Variants in GPR158 observed in about 807,000 individuals in gnomAD.
GPR158 encodes metabotropic glycine receptor.
A neutral mutation model predicts 78.2 loss-of-function variants in GPR158; 30 were observed. That is an observed-to-expected ratio of 0.38 (90% CI 0.29 to 0.52). The LOEUF (loss-of-function observed/expected upper bound fraction) is 0.52. Ranked by LOEUF, GPR158 falls within the 20% of genes least tolerant of loss-of-function variation. The pLI, the probability that GPR158 is intolerant of heterozygous loss-of-function variation, is 0.83. For missense variants in GPR158, 1,463 were observed against 1,523.5 expected, an observed-to-expected ratio of 0.96 and a Z score of 0.66; for synonymous variants, 581 against 591.1, an observed-to-expected ratio of 0.98 and a Z score of 0.25.
chr10:25,348,396 GACACACAC>G (rs34088676), intron 2 of GPR158, among the ~76,000 whole-genome samples: 2,757 of 141,774 alleles, frequency 0.019, 74 homozygotes, highest in African/African-American at 0.056. Context: ...TAGGAAGAAA[GACACACAC>G]ACACACACAC....
intron 2 of GPR158, among the ~76,000 whole-genome samples, chr10:25,311,952 G>A (rs1854771289): frequency 6.6e-6 from 1 of 151,858 alleles, no homozygotes; most frequent in African/African-American, 2.4e-5. Context: ...TTTGACATCT[G>A]GCCTAATAGA....
chr10:25,376,857 A>G (rs926687355), intron 2 of GPR158, among the ~76,000 whole-genome samples: 1 of 151,710 alleles, frequency 6.6e-6, no homozygotes, highest in South Asian at 2.1e-4. Context: ...GGAGTCAGCT[A>G]TATATTTTTA....
intron 2 of GPR158, among the ~76,000 whole-genome samples, chr10:25,280,990 C>T (rs1854261466): frequency 6.6e-6 from 1 of 151,522 alleles, no homozygotes; most frequent in African/African-American, 2.4e-5. Flanking sequence ...CAAAAATTAG[C>T]CGGGCATGGT....
At chr10:25,215,821 A>G (rs1853204585) in intron 1 of GPR158, among the ~76,000 whole-genome samples, 1 of 151,928 alleles carries the variant, frequency 6.6e-6, no homozygotes, top group African/African-American at 2.4e-5. Flanking sequence ...GGTGAGAGAG[A>G]CTCTGTCTCA....
At chr10:25,449,982 C>A (rs1835191817) in intron 4 of GPR158, among the ~76,000 whole-genome samples, 1 of 141,200 alleles carries the variant, frequency 7.1e-6, no homozygotes, top group African/African-American at 2.7e-5. Context: ...AGAAGCAAAA[C>A]AAAATTTAAT....
chr10:25,351,049 G>A (rs991806387), intron 2 of GPR158, among the ~76,000 whole-genome samples: 2 of 151,914 alleles, frequency 1.3e-5, no homozygotes, highest in African/African-American at 2.4e-5. Context: ...TAGGTGAAAT[G>A]GAGATTCCTT....
At chr10:25,185,334 A>G (rs989729096) in intron 1 of GPR158, among the ~76,000 whole-genome samples, 3 of 152,244 alleles carry the variant, frequency 2.0e-5, no homozygotes, top group African/African-American at 7.2e-5. Flanking sequence ...CATTGTATAT[A>G]TAGAACCTGA....
chr10:25,572,777 T>G lies in GPR158; in HGVS notation c.1643T>G (p.Val548Gly). 3 of 1,613,692 alleles carry G rather than the reference T, an allele frequency of 1.9e-6. No individual in the cohort carries two copies. The highest frequency in any genetic ancestry group is 2.5e-6 in the Non-Finnish European group (3 of 1,179,602). The change falls in exon 7 of 11, where the codon GTG becomes GGG. Residue 548 changes from valine (V) to glycine (G), a missense_variant. Coordinates refer to ENST00000376351, the MANE Select transcript of GPR158 (RefSeq NM_020752.3). ...TTTCTCATTGGCTGGACTTCATCTG[T>G]GTGCCAGAATTTGGAGAAACAGATT... ...FWFLIGWTSS[V>G]CQNLEKQISL...
chr10:25,230,084 G>A (rs1025449294), intron 2 of GPR158, among the ~76,000 whole-genome samples: 3 of 152,146 alleles, frequency 2.0e-5, no homozygotes, highest in Admixed American at 2.0e-4. Context: ...AAGACACATA[G>A]TTAAGAATAA....
At chr10:25,368,843 C>T (rs967842541) in intron 2 of GPR158, among the ~76,000 whole-genome samples, 1 of 144,226 alleles carries the variant, frequency 6.9e-6, no homozygotes, top group Non-Finnish European at 1.5e-5. Context: ...TCTTTTATTT[C>T]CTTGAGCAGT....
At chr10:25,563,070 TATCTG>T (rs1226166013) in intron 6 of GPR158, among the ~76,000 whole-genome samples, 1 of 152,218 alleles carries the variant, frequency 6.6e-6, no homozygotes, top group East Asian at 1.9e-4. Context: ...TAGTATATCT[TATCTG>T]ATATTAATAT....
rs868565569 is a variant in GPR158, at chr10:25,562,043, G to T, written c.1515-10606G>T. On this transcript the variant is annotated intron_variant, in intron 6 of 10. Coordinates refer to ENST00000376351, the MANE Select transcript of GPR158 (RefSeq NM_020752.3). Reference sequence around the variant, plus strand: ...AGAAGAATTTTTTTTTTTTTTTTTTGCAAGAAAGAGAACCATTGTATATTT... The same window carrying T: ...AGAAGAATTTTTTTTTTTTTTTTTTTCAAGAAAGAGAACCATTGTATATTT... Among the ~76,000 whole-genome samples the T allele has an allele frequency of 3.1e-3, 300 of 98,158 alleles. 10 individuals carry two copies. In the South Asian group the frequency reaches 0.073, roughly 24 times the overall value. The allele number at this position is 98,158 out of a possible 152,430, so 64.4% of individuals were successfully genotyped here. A position where few individuals can be genotyped will look rare whatever the true frequency, so the allele number is the denominator to read the frequency against.
intron 2 of GPR158, among the ~76,000 whole-genome samples, chr10:25,384,578 G>A (rs1834197300): frequency 6.6e-6 from 1 of 152,106 alleles, no homozygotes; most frequent in Admixed American, 6.5e-5. Flanking sequence ...TCCATTTCTA[G>A]AAGATTTGGA....
At chr10:25,226,054 T>C (rs1422763401) in intron 2 of GPR158, among the ~76,000 whole-genome samples, 1 of 152,108 alleles carries the variant, frequency 6.6e-6, no homozygotes, top group Non-Finnish European at 1.5e-5. Flanking sequence ...GAAATAGCTA[T>C]GTGTCAGTTC....
intron 5 of GPR158, among the ~76,000 whole-genome samples, chr10:25,469,896 C>T (rs1835474635): frequency 6.6e-6 from 1 of 151,608 alleles, no homozygotes; most frequent in Non-Finnish European, 1.5e-5. Flanking sequence ...GGATTGTTGC[C>T]ATGTTCTCTT....
intron 2 of GPR158, among the ~76,000 whole-genome samples, chr10:25,279,833 A>C (rs957324125): frequency 2.0e-5 from 3 of 152,116 alleles, no homozygotes; most frequent in Non-Finnish European, 4.4e-5. Flanking sequence ...AATTTCTTTT[A>C]ATTCCTGTTC....
At chr10:25,422,696 T>C (rs1041668575) in intron 4 of GPR158, among the ~76,000 whole-genome samples, 1 of 151,818 alleles carries the variant, frequency 6.6e-6, no homozygotes, top group African/African-American at 2.4e-5. Flanking sequence ...TTGGAGAATT[T>C]CTTGTGTTAT....
At chr10:25,299,999 C>T (rs972600627) in intron 2 of GPR158, among the ~76,000 whole-genome samples, 5 of 152,026 alleles carry the variant, frequency 3.3e-5, no homozygotes. Flanking sequence ...GCTAGGTGAT[C>T]CACCCACCTC....
chr10:25,286,810 T>C (rs1854357350), intron 2 of GPR158, among the ~76,000 whole-genome samples: 1 of 152,118 alleles, frequency 6.6e-6, no homozygotes, highest in South Asian at 2.1e-4. Context: ...GTTACCCTCA[T>C]TGTACCACCA....
Sources: allele counts gnomAD v4.1 joint callset (sites outside exome capture counted in the v4.1 genomes callset), GRCh38; gene constraint gnomAD v4.1.1; transcripts MANE v1.5; gene names NCBI Gene and HGNC (gene_info 2026-07-23, HGNC 2026-07-21).